Variants in GSE1 observed in about 807,000 individuals in gnomAD.
GSE1 encodes genetic suppressor element 1.
In GSE1, 32 loss-of-function variants were observed where a neutral mutation model predicts 112.6. The ratio of observed to expected loss-of-function variants is 0.28; its 90% confidence interval spans 0.21 to 0.38. The LOEUF is 0.38. GSE1 is among the 10% of genes least tolerant of loss of function. The probability of loss-of-function intolerance (pLI) is 1.00; values close to 1 mark genes in which losing one functional copy is unlikely to be tolerated. For missense variants in GSE1, 2,348 were observed against 1,699.2 expected (o/e 1.38, Z -6.71); for synonymous variants, 1,115 against 735.6 (o/e 1.52, Z -8.35).
intron 1 of GSE1, among the ~76,000 whole-genome samples, chr16:85,223,628 A>G (rs1218158959): frequency 1.3e-5 from 2 of 151,800 alleles, no homozygotes; most frequent in East Asian, 3.9e-4. Flanking sequence ...TTATTTTTAG[A>G]CAGTCTCGCT....
intron 2 of GSE1, among the ~76,000 whole-genome samples, chr16:85,409,241 GC>G (rs1366143622): frequency 2.5e-5 from 1 of 39,686 alleles, no homozygotes; most frequent in Non-Finnish European, 4.7e-5. Context: ...TTACTCTCAG[GC>G]CCCCCGGATA....
chr16:85,321,237 G>A (rs1032875627), intron 1 of GSE1, among the ~76,000 whole-genome samples: 6 of 152,148 alleles, frequency 3.9e-5, no homozygotes, highest in African/African-American at 1.4e-4. Context: ...TGTAGCTCAA[G>A]TGTGCAGGCT....
intron 1 of GSE1, among the ~76,000 whole-genome samples, chr16:85,578,707 A>G (rs559460429): frequency 6.6e-6 from 1 of 151,522 alleles, no homozygotes; most frequent in South Asian, 2.1e-4. Context: ...AGTAAAAGCC[A>G]GCATTCTCTG....
intron 2 of GSE1, among the ~76,000 whole-genome samples, chr16:85,474,739 C>T (rs571111504): frequency 6.6e-6 from 1 of 151,644 alleles, no homozygotes; most frequent in East Asian, 2.0e-4. Context: ...CTTCTCCTCC[C>T]CAACAAGCTC....
intron 2 of GSE1, among the ~76,000 whole-genome samples, chr16:85,433,701 G>A (rs34646213): frequency 0.21 from 32,575 of 151,906 alleles, 3,968 homozygotes; most frequent in African/African-American, 0.33. Context: ...GGATAGATGG[G>A]CCAGTGGATG....
At chr16:85,171,087 C>A (rs1398533395) in exon 1 of GSE1, 4 of 985,550 alleles carry the variant, frequency 4.1e-6, no homozygotes, top group Non-Finnish European at 4.8e-6. Flanking sequence ...GCCCGCCCAA[C>A]GCCCAGGGCC....
chr16:85,648,276 G>C (rs771050453), intron 2 of GSE1, among the ~76,000 whole-genome samples: 1 of 152,120 alleles, frequency 6.6e-6, no homozygotes, highest in African/African-American at 2.4e-5. Context: ...GGGCGGCCCT[G>C]GGCACCAGAG....
At chr16:85,280,056 G>A (rs4474666) in intron 1 of GSE1, among the ~76,000 whole-genome samples, 63,105 of 152,076 alleles carry the variant, frequency 0.41, 14,039 homozygotes, top group Admixed American at 0.55. Context: ...GTTGCTGAGG[G>A]CTGCAGTTCT....
At chr16:85,536,991 G>A (rs1024246022) in intron 2 of GSE1, among the ~76,000 whole-genome samples, 1 of 152,128 alleles carries the variant, frequency 6.6e-6, no homozygotes. Flanking sequence ...TGAGCCTTCC[G>A]GCCAGCAGGC....
At chr16:85,174,198 G>C (rs2074415096) in intron 1 of GSE1, among the ~76,000 whole-genome samples, 1 of 152,242 alleles carries the variant, frequency 6.6e-6, no homozygotes, top group South Asian at 2.1e-4. Flanking sequence ...TTGGGGATGA[G>C]AGGAAATAAG....
At chr16:85,270,753 G>A (rs1451156497) in intron 1 of GSE1, among the ~76,000 whole-genome samples, 3 of 125,968 alleles carry the variant, frequency 2.4e-5, no homozygotes, top group Admixed American at 2.3e-4. Context: ...TGTCGCCCTG[G>A]GTGTTTCCGG....
At chr16:85,380,886 A>T (rs1207515786) in intron 2 of GSE1, among the ~76,000 whole-genome samples, 2 of 152,174 alleles carry the variant, frequency 1.3e-5, no homozygotes, top group Non-Finnish European at 2.9e-5. Flanking sequence ...TCCAGTGGGC[A>T]TGGGAACGCG....
chr16:85,344,020 C>T (rs1033876347), intron 1 of GSE1, among the ~76,000 whole-genome samples: 2 of 152,182 alleles, frequency 1.3e-5, no homozygotes, highest in African/African-American at 4.8e-5. Flanking sequence ...GAACATGGCT[C>T]CTTACATAAC....
Position 85,673,850 on chromosome 16 carries a change from CTAAGG to C in GSE1, c.*1313_*1317del, listed in dbSNP as rs2053530973. On this transcript the variant is annotated 3_prime_UTR_variant, in exon 16 of 16. Coordinates refer to ENST00000253458, the MANE Select transcript of GSE1 (RefSeq NM_014615.5). The stretch of plus-strand genomic sequence containing the variant: ...AATGATTTCTGTGATTGATATAATT[CTAAGG>C]TGTCTGAGAGCAGGTACAGAATAGG... 1 of 152,330 alleles carries C rather than the reference CTAAGG, an allele frequency of 6.6e-6. No homozygotes were observed. The highest frequency in any genetic ancestry group is 2.1e-4 in the South Asian group (1 of 4,826). 9.4% of individuals were successfully genotyped at this position (152,330 alleles called of 1,614,324 possible).
intron 2 of GSE1, among the ~76,000 whole-genome samples, chr16:85,506,674 G>T (rs548158230): frequency 6.6e-6 from 1 of 152,220 alleles, no homozygotes; most frequent in East Asian, 1.9e-4. Flanking sequence ...TTCAACCTGG[G>T]GAGGTGGGGG....
At chr16:85,382,812 A>G (rs985191041) in intron 2 of GSE1, among the ~76,000 whole-genome samples, 1 of 151,532 alleles carries the variant, frequency 6.6e-6, no homozygotes, top group Non-Finnish European at 1.5e-5. Context: ...ACACACTCAT[A>G]CACACATGCA....
At chr16:85,462,510 G>A (rs1472305002) in intron 2 of GSE1, among the ~76,000 whole-genome samples, 6 of 151,992 alleles carry the variant, frequency 3.9e-5, no homozygotes, top group Non-Finnish European at 8.8e-5. Context: ...AATGAAAAGC[G>A]GCCCCAATTA....
At chr16:85,479,344 T>C (rs1033483179) in intron 2 of GSE1, among the ~76,000 whole-genome samples, 2 of 151,628 alleles carry the variant, frequency 1.3e-5, no homozygotes, top group Non-Finnish European at 2.9e-5. Flanking sequence ...AGTTTTTGTA[T>C]TTTTAGTAGA....
At chr16:85,619,203 C>T (rs958027808) in intron 1 of GSE1, among the ~76,000 whole-genome samples, 1 of 152,220 alleles carries the variant, frequency 6.6e-6, no homozygotes, top group South Asian at 2.1e-4. Context: ...TGGTGATTGG[C>T]ACTCTGGGCC....
Sources: allele counts gnomAD v4.1 joint callset (sites outside exome capture counted in the v4.1 genomes callset), GRCh38; gene constraint gnomAD v4.1.1; transcripts MANE v1.5; gene names NCBI Gene and HGNC (gene_info 2026-07-23, HGNC 2026-07-21).